Variants in RSRC1 observed in about 807,000 individuals in gnomAD.
RSRC1 encodes the protein serine/Arginine-related protein 53.
In RSRC1, 39 loss-of-function variants were observed where a neutral mutation model predicts 49.1. That is an observed-to-expected ratio of 0.79 (90% CI 0.61 to 1.04). The LOEUF (loss-of-function observed/expected upper bound fraction) is 1.04, where lower values mean the gene tolerates loss of function less well. Among genes scored for constraint, RSRC1 ranks in the 50% least tolerant of loss-of-function variants. RSRC1 has a pLI of 0.00. For synonymous variants in RSRC1, 143 were observed against 130.8 expected (o/e 1.09, Z -0.63); for missense variants, 388 against 402.4 (o/e 0.96, Z 0.31).
chr3:158,414,076 T>C (rs747096116), intron 6 of RSRC1, among the ~76,000 whole-genome samples: 5 of 152,212 alleles, frequency 3.3e-5, no homozygotes, highest in Non-Finnish European at 7.3e-5. Context: ...ATATAAATTA[T>C]TCTCTTATAA....
chr3:158,141,289 T>G (rs1716736866), intron 3 of RSRC1, among the ~76,000 whole-genome samples: 1 of 152,216 alleles, frequency 6.6e-6, no homozygotes, highest in Non-Finnish European at 1.5e-5. Context: ...TGGTTGATTC[T>G]TAACCTTTCT....
chr3:158,277,173 A>G lies in RSRC1; in HGVS notation c.495-20866A>G, dbSNP rs866804547. ...GCACAACTTTGTGTAATTAAAATGC[A>G]TGAATTTAAAAAATGGAATTCCTTT... On this transcript the variant is annotated intron_variant, in intron 4 of 9. Coordinates refer to ENST00000611884, the MANE Select transcript of RSRC1 (RefSeq NM_001271838.2). Among the ~76,000 whole-genome samples the G allele has an allele frequency of 2.0e-5, 3 of 152,220 alleles. No individual in the cohort carries two copies. In the South Asian group the frequency reaches 6.2e-4, roughly 32 times the overall value.
chr3:158,515,519 G>A (rs1177413159), intron 7 of RSRC1, among the ~76,000 whole-genome samples: 6 of 136,394 alleles, frequency 4.4e-5, no homozygotes, highest in Admixed American at 2.2e-4. Context: ...TTTCTCTCTG[G>A]CTGCCCTTAA....
At chr3:158,210,010 T>C (rs977278578) in intron 4 of RSRC1, among the ~76,000 whole-genome samples, 2 of 152,066 alleles carry the variant, frequency 1.3e-5, no homozygotes, top group Non-Finnish European at 2.9e-5. Flanking sequence ...CTCTACCTAG[T>C]GATTGGTAGA....
At position 158,123,955 on chromosome 3, in the gene RSRC1, G is replaced by T; in HGVS notation, c.284G>T (p.Arg95Ile). 1 of 1,610,448 alleles carries T rather than the reference G, an allele frequency of 6.2e-7. No individual in the cohort carries two copies. The highest frequency in any genetic ancestry group is 1.1e-5 in the South Asian group (1 of 90,444). ...TCAAGGGGTCGAGGGAAATCCTATAGAGTTCAGAGGTCTAGGTCAAAAAGC... is the reference window on the plus strand; with the variant it reads ...TCAAGGGGTCGAGGGAAATCCTATATAGTTCAGAGGTCTAGGTCAAAAAGC... ...SRSRGRGKSYRVQRSRSKSRT... is the reference protein window; with the variant it reads ...SRSRGRGKSYIVQRSRSKSRT... The change falls in exon 3 of 10, where the codon AGA becomes ATA. Residue 95 changes from arginine to isoleucine, a missense_variant. Physicochemically the swap from Arg to Ile is moderately conservative, Grantham distance 97. Transcript: ENST00000611884.
chr3:158,168,234 A>G (rs1043379824), intron 3 of RSRC1, among the ~76,000 whole-genome samples: 1 of 152,140 alleles, frequency 6.6e-6, no homozygotes, highest in African/African-American at 2.4e-5. Flanking sequence ...GAATTTGTGG[A>G]CTATTATTGC....
At chr3:158,318,555 A>G (rs1049743372) in intron 5 of RSRC1, among the ~76,000 whole-genome samples, 17 of 152,286 alleles carry the variant, frequency 1.1e-4, no homozygotes, top group Non-Finnish European at 2.1e-4. Flanking sequence ...ATTGCCTCAT[A>G]TGTGTTCACA....
intron 6 of RSRC1, among the ~76,000 whole-genome samples, chr3:158,423,082 G>T (rs9757877): frequency 0.074 from 11,193 of 151,676 alleles, 1,420 homozygotes; most frequent in African/African-American, 0.26. Flanking sequence ...TTAGTTTAAT[G>T]AGATCCCATT....
intron 6 of RSRC1, among the ~76,000 whole-genome samples, chr3:158,404,550 T>C (rs1734056535): frequency 2.0e-5 from 3 of 151,966 alleles, no homozygotes; most frequent in Admixed American, 1.3e-4. Context: ...TTATAATAAA[T>C]AAACATCAGT....
chr3:158,484,458 G>T (rs781366617), intron 7 of RSRC1, among the ~76,000 whole-genome samples: 6 of 152,074 alleles, frequency 3.9e-5, no homozygotes, highest in Non-Finnish European at 8.8e-5. Context: ...TGGCATATAG[G>T]ATGTTCAAAA....
At chr3:158,154,350 C>T (rs1004322526) in intron 3 of RSRC1, among the ~76,000 whole-genome samples, 5 of 151,910 alleles carry the variant, frequency 3.3e-5, no homozygotes, top group Admixed American at 6.6e-5. Flanking sequence ...GTTGGGGTGG[C>T]GGTGGCAATT....
intron 7 of RSRC1, among the ~76,000 whole-genome samples, chr3:158,464,891 C>T (rs1433289998): frequency 2.0e-5 from 3 of 152,204 alleles, no homozygotes; most frequent in South Asian, 2.1e-4. Flanking sequence ...GATACAAACC[C>T]GGGCAGTCAG....
At chr3:158,445,025 G>A (rs1250293079) in intron 6 of RSRC1, among the ~76,000 whole-genome samples, 3 of 152,158 alleles carry the variant, frequency 2.0e-5, no homozygotes, top group Non-Finnish European at 4.4e-5. Flanking sequence ...AGAGGATGTG[G>A]AGAAATAGGA....
At chr3:158,164,541 T>G (rs1168418979) in intron 3 of RSRC1, among the ~76,000 whole-genome samples, 1 of 152,130 alleles carries the variant, frequency 6.6e-6, no homozygotes, top group African/African-American at 2.4e-5. Flanking sequence ...AGCCAGTGTT[T>G]TTTTTCTTTG....
intron 7 of RSRC1, among the ~76,000 whole-genome samples, chr3:158,527,762 TTC>T (rs1258592865): frequency 6.6e-6 from 1 of 151,940 alleles, no homozygotes; most frequent in Non-Finnish European, 1.5e-5. Flanking sequence ...AAGTTATTAT[TTC>T]TGTTTTTAGT....
chr3:158,228,978 G>A (rs62635973), intron 4 of RSRC1, among the ~76,000 whole-genome samples: 4 of 19,916 alleles, frequency 2.0e-4, no homozygotes, highest in Admixed American at 5.4e-4. Flanking sequence ...GTATATGTGT[G>A]TATAAACACA....
chr3:158,269,518 A>AT (rs398062956), intron 4 of RSRC1, among the ~76,000 whole-genome samples: 1,877 of 147,352 alleles, frequency 0.013, 30 homozygotes, highest in African/African-American at 0.042. Context: ...CAGAAAACAG[A>AT]TTTTTTTTTT....
At chr3:158,110,763 T>A (rs1714334091) in intron 1 of RSRC1, among the ~76,000 whole-genome samples, 1 of 152,200 alleles carries the variant, frequency 6.6e-6, no homozygotes, top group Non-Finnish European at 1.5e-5. Context: ...TAGATGTTCC[T>A]CTCTTGAAAT....
intron 5 of RSRC1, among the ~76,000 whole-genome samples, chr3:158,299,177 C>A (rs1470069112): frequency 1.3e-5 from 2 of 152,042 alleles, no homozygotes; most frequent in Non-Finnish European, 2.9e-5. Context: ...TTTATAACTT[C>A]ATAATAGCAC....
Sources: allele counts gnomAD v4.1 joint callset (sites outside exome capture counted in the v4.1 genomes callset), GRCh38; gene constraint gnomAD v4.1.1; transcripts MANE v1.5; gene names NCBI Gene and HGNC (gene_info 2026-07-23, HGNC 2026-07-21).